KANK1: variants seen among roughly 807,000 people sequenced by gnomAD.
The protein encoded by KANK1 is KN motif and ankyrin repeat domains 1.
KANK1 carries 109 observed loss-of-function variants against 106.2 expected under a neutral mutation model. The ratio of observed to expected loss-of-function variants is 1.03; its 90% CI spans 0.88 to 1.20. The LOEUF is 1.20. KANK1 is among the 50% of genes most tolerant of loss of function. The probability of loss-of-function intolerance (pLI) is 0.00; values close to 1 mark genes in which losing one functional copy is unlikely to be tolerated. For missense variants in KANK1, 2,399 were observed against 1,710.7 expected, an observed-to-expected ratio of 1.40 and a Z score of -7.10; for synonymous variants, 873 against 652.2, an observed-to-expected ratio of 1.34 and a Z score of -5.16.
At chr9:635,975 T>G (rs1458126161) in intron 1 of KANK1, among the ~76,000 whole-genome samples, 1 of 152,070 alleles carries the variant, frequency 6.6e-6, no homozygotes, top group Non-Finnish European at 1.5e-5. Flanking sequence ...GTGCCTGGCT[T>G]TATTCCTTCT....
intron 1 of KANK1, among the ~76,000 whole-genome samples, chr9:529,244 C>T (rs924572897): frequency 6.6e-6 from 1 of 151,228 alleles, no homozygotes; most frequent in African/African-American, 2.4e-5. Flanking sequence ...TACACACACA[C>T]ACACACACAC....
At chr9:514,870 A>G (rs1403480854) in intron 1 of KANK1, among the ~76,000 whole-genome samples, 1 of 151,720 alleles carries the variant, frequency 6.6e-6, no homozygotes, top group African/African-American at 2.4e-5. Flanking sequence ...GGTTTTATCA[A>G]GCGGTATTCC....
intron 7 of KANK1, among the ~76,000 whole-genome samples, chr9:736,464 G>C (rs1329510115): frequency 6.6e-6 from 1 of 152,112 alleles, no homozygotes. Flanking sequence ...AGCACTTTGA[G>C]AGGCCAAGGC....
intron 1 of KANK1, among the ~76,000 whole-genome samples, chr9:536,665 A>G (rs1331877915): frequency 6.6e-6 from 1 of 152,218 alleles, no homozygotes; most frequent in East Asian, 1.9e-4. Flanking sequence ...GACTCATTAG[A>G]TTGGGTCCAT....
chr9:711,225 T>A lies in KANK1; in HGVS notation c.459T>A (p.His153Gln). 1 of 1,614,130 alleles carries A rather than the reference T, an allele frequency of 6.2e-7. No homozygotes were observed. The change falls in exon 3 of 12, where the codon CAT (histidine) becomes CAA (glutamine). Residue 153 changes from histidine to glutamine, a missense_variant. His to Gln is a conservative substitution (Grantham distance 24). Coordinates refer to ENST00000382297, the MANE Select transcript of KANK1 (RefSeq NM_015158.5). Reference protein sequence around the residue: ...PSPQLPKHNLHVTKTLMETRR... With the variant: ...PSPQLPKHNLQVTKTLMETRR... The stretch of plus-strand genomic sequence containing the variant: ...CACAACTCCCAAAGCATAACCTTCA[T>A]GTCACCAAGACACTGATGGAGACCC...
Position 732,531 on chromosome 9 carries a change from T to TAATA in KANK1, c.3160_3163dup (p.Ile1055LysfsTer3). ...GAATGGCAGAAGGGCACCATGCAGT[T>TAATA]AATATTGAAGGTTTGAAGTCTGCCA... is the stretch of plus-strand genomic sequence containing the variant. On this transcript the variant is annotated frameshift_variant, in exon 6 of 12. Transcript: ENST00000382297. LOFTEE classifies it high-confidence loss of function. The TAATA allele has an allele frequency of 1.2e-6, 2 of 1,614,040 alleles. No individual in the cohort carries two copies. Among genetic ancestry groups the TAATA allele is most frequent in the Non-Finnish European group, 8.5e-7 (1 of 1,179,994 alleles).
chr9:591,626 C>T lies in KANK1; in HGVS notation c.-83-85264C>T, dbSNP rs142225072. On this transcript the variant is annotated intron_variant, in intron 1 of 11. Transcript: ENST00000382297. The stretch of plus-strand genomic sequence containing the variant: ...TTTGCTTGGGAAATGTGTGCACACG[C>T]GCACACACACACACTCTTTTGAGCA... 1.5e-3 allele frequency among the ~76,000 whole-genome samples: 225 copies of T among 151,846 alleles called. 3 individuals are homozygous for T. The highest frequency in any genetic ancestry group is 4.6e-3 in the African/African-American group (188 of 41,166).
At chr9:616,815 A>G (rs1831948382) in intron 1 of KANK1, among the ~76,000 whole-genome samples, 1 of 152,174 alleles carries the variant, frequency 6.6e-6, no homozygotes, top group African/African-American at 2.4e-5. Flanking sequence ...TAGCAGAGGA[A>G]GGAAAGAAAG....
At chr9:573,559 C>T (rs1054105716) in intron 1 of KANK1, among the ~76,000 whole-genome samples, 2 of 152,082 alleles carry the variant, frequency 1.3e-5, no homozygotes, top group African/African-American at 4.8e-5. Context: ...CATGAGCCAC[C>T]GCGCCCGGTC....
chr9:688,212 G>T (rs187222616), intron 2 of KANK1, among the ~76,000 whole-genome samples: 1 of 152,312 alleles, frequency 6.6e-6, no homozygotes, highest in East Asian at 1.9e-4. Context: ...GTGAACAGAT[G>T]GCTTTTACTG....
Position 584,335 on chromosome 9 carries a change from T to C in KANK1, c.-84+79581T>C, listed in dbSNP as rs140950396. 1.6e-4 allele frequency among the ~76,000 whole-genome samples: 25 copies of C among 152,338 alleles called. No homozygotes were observed. In the East Asian group the frequency reaches 4.8e-3, roughly 29 times the overall value. The stretch of plus-strand genomic sequence containing the variant: ...TATGTTTATGTGTCATGCATACATA[T>C]AAAAGTGGAAGGCGGTTCAACAAAG... On this transcript the variant is annotated intron_variant, in intron 1 of 11. Coordinates refer to ENST00000382297, the MANE Select transcript of KANK1 (RefSeq NM_015158.5).
intron 1 of KANK1, among the ~76,000 whole-genome samples, chr9:538,342 T>G (rs1205076999): frequency 1.3e-5 from 2 of 152,156 alleles, no homozygotes; most frequent in Non-Finnish European, 1.5e-5. Context: ...TGTTTTTTTG[T>G]AAAAAGTTGA....
intron 3 of KANK1, among the ~76,000 whole-genome samples, chr9:496,211 C>T (rs972829575): frequency 6.6e-6 from 1 of 152,198 alleles, no homozygotes; most frequent in Admixed American, 6.5e-5. Flanking sequence ...CACTTAACTA[C>T]AGTGCCAAGC....
At chr9:642,892 C>G (rs945810674) in intron 1 of KANK1, among the ~76,000 whole-genome samples, 4 of 149,762 alleles carry the variant, frequency 2.7e-5, no homozygotes, top group African/African-American at 1.0e-4. Flanking sequence ...AAGCCAGTGT[C>G]GAAGTAATGG....
chr9:725,320 C>T (rs1453966352), intron 3 of KANK1, among the ~76,000 whole-genome samples: 1 of 151,950 alleles, frequency 6.6e-6, no homozygotes, highest in South Asian at 2.1e-4. Flanking sequence ...TGGTAAAACT[C>T]AGTCTCTACT....
At chr9:660,244 G>C (rs1329656311) in intron 1 of KANK1, 8 of 249,922 alleles carry the variant, frequency 3.2e-5, no homozygotes, top group South Asian at 6.1e-5. Flanking sequence ...CAGCTACAGG[G>C]TGACCAGCAC....
At chr9:722,935 G>A (rs796892408) in intron 3 of KANK1, among the ~76,000 whole-genome samples, 36 of 152,264 alleles carry the variant, frequency 2.4e-4, no homozygotes, top group African/African-American at 8.4e-4. Flanking sequence ...GACCGTAAGT[G>A]CTACAGGACA....
chr9:660,770 C>G (rs956862225), intron 1 of KANK1, among the ~76,000 whole-genome samples: 12 of 152,152 alleles, frequency 7.9e-5, no homozygotes, highest in Admixed American at 7.2e-4. Flanking sequence ...TGGAAGGGAG[C>G]CTTTGGTGGT....
chr9:571,960 G>T (rs1332281106), intron 1 of KANK1, among the ~76,000 whole-genome samples: 1 of 152,066 alleles, frequency 6.6e-6, no homozygotes, highest in Non-Finnish European at 1.5e-5. Flanking sequence ...TTACTTGTGG[G>T]TGTAGGTGCA....
Sources: allele counts gnomAD v4.1 joint callset (sites outside exome capture counted in the v4.1 genomes callset), GRCh38; gene constraint gnomAD v4.1.1; transcripts MANE v1.5; gene names NCBI Gene and HGNC (gene_info 2026-07-23, HGNC 2026-07-21).